Variants in DCP1A observed in about 807,000 individuals in gnomAD.
The protein encoded by DCP1A is mRNA-decapping enzyme 1A.
In DCP1A, 20 loss-of-function variants were observed where a neutral mutation model predicts 58.0. The ratio of observed to expected loss-of-function variants is 0.34; its 90% CI spans 0.24 to 0.50. The LOEUF (loss-of-function observed/expected upper bound fraction) is 0.50. DCP1A is among the 20% of genes least tolerant of loss of function. The pLI, the probability that DCP1A is intolerant of heterozygous loss-of-function variation, is 0.98. For synonymous variants in DCP1A, 285 were observed against 275.1 expected (o/e 1.04, Z -0.36); for missense variants, 613 against 712.2 (o/e 0.86, Z 1.59).
Position 53,287,020 on chromosome 3 carries a change from TG to T in DCP1A, c.*559del, listed in dbSNP as rs1706660079. ...AATTTCACAACTTTTAAGGCCCAAA[TG>T]GGGCATTCATATAAAATATACTTCA... On this transcript the variant is annotated 3_prime_UTR_variant, in exon 10 of 10. Coordinates refer to ENST00000610213, the MANE Select transcript of DCP1A (RefSeq NM_018403.7). 1 of 152,232 alleles carries T rather than the reference TG, an allele frequency of 6.6e-6. No homozygotes were observed. Among genetic ancestry groups the T allele is most frequent in the Non-Finnish European group, 1.5e-5 (1 of 68,084 alleles). The allele number at this position is 152,232 out of a possible 1,614,324, so 9.4% of individuals were successfully genotyped here.
At chr3:53,294,971 A>G (rs986391672) in intron 6 of DCP1A, among the ~76,000 whole-genome samples, 50 of 152,304 alleles carry the variant, frequency 3.3e-4, no homozygotes, top group Middle Eastern at 3.4e-3. Context: ...CCATCAGTAC[A>G]TGGCAGACAC....
intron 3 of DCP1A, among the ~76,000 whole-genome samples, chr3:53,327,305 T>G (rs974626224): frequency 6.6e-6 from 1 of 152,090 alleles, no homozygotes; most frequent in Non-Finnish European, 1.5e-5. Context: ...CAGGGTGTGG[T>G]GAGATCAGTG....
chr3:53,316,083 A>T (rs551444002), intron 4 of DCP1A, among the ~76,000 whole-genome samples: 53 of 152,164 alleles, frequency 3.5e-4, no homozygotes, highest in African/African-American at 1.3e-3. Context: ...TACTTGGAGG[A>T]TCTTTATTAT....
intron 5 of DCP1A, among the ~76,000 whole-genome samples, chr3:53,306,643 C>T (rs942457854): frequency 4.0e-5 from 6 of 151,518 alleles, no homozygotes; most frequent in African/African-American, 9.7e-5. Flanking sequence ...TGGTGGTGGG[C>T]GCCTGTAGTC....
At chr3:53,319,892 G>C in intron 3 of DCP1A, among the ~76,000 whole-genome samples, 1 of 152,168 alleles carries the variant, frequency 6.6e-6, no homozygotes, top group South Asian at 2.1e-4. Flanking sequence ...CACTTTGGGA[G>C]GCTGAGGTGG....
chr3:53,288,927 A>T (rs1364705928), intron 8 of DCP1A, among the ~76,000 whole-genome samples: 1 of 152,060 alleles, frequency 6.6e-6, no homozygotes, highest in Non-Finnish European at 1.5e-5. Context: ...AGGCATGAGA[A>T]TCGCTTGAAC....
At chr3:53,300,414 T>C (rs1707276585) in intron 6 of DCP1A, among the ~76,000 whole-genome samples, 1 of 151,300 alleles carries the variant, frequency 6.6e-6, no homozygotes, top group Admixed American at 6.6e-5. Flanking sequence ...CTCAGCTTAC[T>C]GCAACCTCCG....
At position 53,319,137 on chromosome 3, in the gene DCP1A, T is replaced by A. The variant is rs544409165; in HGVS notation, c.371+270A>T. On this transcript the variant is annotated intron_variant, in intron 4 of 9. Transcript: ENST00000610213. ...GAAAAGCAGTATACATACAGTAGGA[T>A]CCTATTTTTGTAAAAAAACAATCAC... Among the ~76,000 whole-genome samples the A allele has an allele frequency of 3.3e-5, 5 of 152,118 alleles. No homozygotes were observed. In the South Asian group the frequency reaches 1.0e-3, roughly 32 times the overall value.
chr3:53,302,650 C>A (rs1553687526), intron 6 of DCP1A, among the ~76,000 whole-genome samples: 1 of 152,100 alleles, frequency 6.6e-6, no homozygotes, highest in East Asian at 1.9e-4. Flanking sequence ...TGAGCCAGAG[C>A]CTTGCTCTGT....
chr3:53,313,810 A>G (rs145840841), intron 4 of DCP1A, among the ~76,000 whole-genome samples: 2 of 152,084 alleles, frequency 1.3e-5, no homozygotes, highest in African/African-American at 2.4e-5. Context: ...TGTGGGGAAG[A>G]GGTGAACAGA....
In DCP1A at chr3:53,284,526, C is replaced by A; in HGVS notation, c.*3054G>T. 1 of 59,854 alleles carries A rather than the reference C, an allele frequency of 1.7e-5. No individual in the cohort carries two copies. 3.7% of individuals were successfully genotyped at this position (59,854 alleles called of 1,614,324 possible). On this transcript the variant is annotated 3_prime_UTR_variant, in exon 10 of 10. Transcript: ENST00000610213. ...CCCTGTAGAGAGGGGCCCAGCGTGA[C>A]TTTTTTTTTTTTTTTTTTTTTTTTT...
rs529867653 is a variant in DCP1A, at chr3:53,287,778, C to T, written c.1669-118G>A. On this transcript the variant is annotated intron_variant, in intron 9 of 9. Transcript: ENST00000610213. ...AAATGATTTGTATAACTGATAATCC[C>T]ACCACCCAGAGACAATCATGATTAA... 6.8e-6 allele frequency: 5 copies of T among 731,154 alleles called. No homozygotes were observed. In the African/African-American group the frequency reaches 7.0e-5, roughly 10 times the overall value. 45.3% of individuals were successfully genotyped at this position (731,154 alleles called of 1,614,324 possible). A position where few individuals can be genotyped will look rare whatever the true frequency, so the allele number is the denominator to read the frequency against.
chr3:53,327,170 G>A (rs1326621450), intron 3 of DCP1A, among the ~76,000 whole-genome samples: 3 of 152,150 alleles, frequency 2.0e-5, no homozygotes, highest in African/African-American at 7.2e-5. Context: ...TGTAAAAAAG[G>A]GGGGGAACTT....
At chr3:53,296,850 T>C (rs1436153507) in intron 6 of DCP1A, among the ~76,000 whole-genome samples, 1 of 152,254 alleles carries the variant, frequency 6.6e-6, no homozygotes, top group African/African-American at 2.4e-5. Context: ...AAGACTGGTG[T>C]GGAAGTATCT....
intron 6 of DCP1A, among the ~76,000 whole-genome samples, chr3:53,297,975 T>A (rs1469703429): frequency 1.3e-5 from 2 of 152,332 alleles, no homozygotes; most frequent in East Asian, 3.9e-4. Flanking sequence ...CTCAGCACTT[T>A]GGCAGGCCTA....
chr3:53,293,393 T>C (rs531534530), intron 6 of DCP1A, among the ~76,000 whole-genome samples: 25 of 152,350 alleles, frequency 1.6e-4, no homozygotes, highest in African/African-American at 6.0e-4. Flanking sequence ...AGTTGGCTTA[T>C]TGATACCATA....
Position 53,345,033 on chromosome 3 carries a change from C to G in DCP1A, c.136-91G>C, listed in dbSNP as rs1386350761. On this transcript the variant is annotated intron_variant, in intron 1 of 9. Coordinates refer to ENST00000610213, the MANE Select transcript of DCP1A (RefSeq NM_018403.7). Reference sequence around the variant, plus strand: ...AGAAGTAATGCTTCACGTTTAAGATCAACTTGTTTCATTTCATCTATTATA... The same window carrying G: ...AGAAGTAATGCTTCACGTTTAAGATGAACTTGTTTCATTTCATCTATTATA... 4.2e-6 allele frequency: 4 copies of G among 958,854 alleles called. No individual in the cohort carries two copies. In the East Asian group the frequency reaches 7.5e-5, roughly 18 times the overall value. 59.4% of individuals were successfully genotyped at this position (958,854 alleles called of 1,614,324 possible).
Position 53,333,601 on chromosome 3 carries a change from C to T in DCP1A, c.304+8543G>A, listed in dbSNP as rs117155624. On this transcript the variant is annotated intron_variant, in intron 3 of 9. Transcript: ENST00000610213. Reference sequence around the variant, plus strand: ...GGAGGATCACTTGTGGCCAGGAGGTCGAGACAGCCTGGGCAATAAAGCAAA... The same window carrying T: ...GGAGGATCACTTGTGGCCAGGAGGTTGAGACAGCCTGGGCAATAAAGCAAA... Among the ~76,000 whole-genome samples the T allele has an allele frequency of 0.013, 2,024 of 150,386 alleles. 118 individuals carry two copies. The South Asian group carries it at 0.14, about 11-fold the overall frequency.
chr3:53,296,211 T>C (rs1707122344), intron 6 of DCP1A, among the ~76,000 whole-genome samples: 1 of 152,196 alleles, frequency 6.6e-6, no homozygotes, highest in Non-Finnish European at 1.5e-5. Context: ...GTGGTCTTAA[T>C]AGCAAGCATG....
Sources: gnomAD v4.1 joint callset for allele counts (sites outside exome capture counted in the v4.1 genomes callset) on GRCh38, gnomAD v4.1.1 for gene constraint, MANE v1.5 for transcripts, NCBI Gene and HGNC (gene_info 2026-07-23, HGNC 2026-07-21) for gene names.